FOXC2: variants seen among roughly 807,000 people sequenced by gnomAD.
FOXC2 encodes the protein forkhead box C2.
In FOXC2, 7 loss-of-function variants were observed where a neutral mutation model predicts 7.2. The observed-to-expected ratio is 0.97, with a 90% CI of 0.55 to 1.81. The LOEUF (loss-of-function observed/expected upper bound fraction) is 1.81. Among genes scored for constraint, FOXC2 ranks in the 40% most tolerant of loss-of-function variants. The pLI is 0.00. For synonymous variants in FOXC2, 436 were observed against 350.4 expected, an observed-to-expected ratio of 1.24 and a Z score of -2.73; for missense variants, 846 against 741.2, an observed-to-expected ratio of 1.14 and a Z score of -1.64.
Position 86,568,786 on chromosome 16 carries a change from C to T in FOXC2, c.1451C>T (p.Thr484Met), listed in dbSNP as rs1312452778. Residue 484 changes from threonine (T) to methionine (M), a missense_variant, in exon 1 of 1, where the codon ACG becomes ATG. Thr to Met is a moderately conservative substitution (Grantham distance 81). This residue lies in a region of FOXC2 where 640 missense variants were observed against 503.2 expected (regional missense o/e 1.27). Transcript: ENST00000649859. The surrounding 1 kb of genome is among the most constrained non-coding windows in gnomAD (Gnocchi z 5.2). ...AGCTGCCAGCTGCCCTACAGATCCA[C>T]GCCGCCTCTCTATCGCCACGCAGCC... ...NASCQLPYRS[T>M]PPLYRHAAPY... 6.2e-7 allele frequency: 1 copy of T among 1,613,040 alleles called. No homozygotes were observed. Among genetic ancestry groups the T allele is most frequent in the Non-Finnish European group, 8.5e-7 (1 of 1,180,012 alleles).
Position 86,568,992 on chromosome 16 carries a change from C to G in FOXC2, c.*151C>G. On this transcript the variant is annotated 3_prime_UTR_variant, in exon 1 of 1. Transcript: ENST00000649859. This position sits in a 1 kb window ranked among gnomAD's most constrained non-coding sequence, Gnocchi z 5.2. ...GACCCGGGAGCAGAGAGCGGGCACG[C>G]TAGCCCCCAGCCGTCTGTGAAGAGC... 2 of 1,039,834 alleles carry G rather than the reference C, an allele frequency of 1.9e-6. No homozygotes were observed. Among genetic ancestry groups the G allele is most frequent in the Non-Finnish European group, 2.9e-6 (2 of 694,332 alleles). The allele number at this position is 1,039,834 out of a possible 1,614,324, so 64.4% of individuals were successfully genotyped here.
chr16:86,567,251 C>G lies in FOXC2; in HGVS notation c.-85C>G. ...CCCTCCTCTCCCCCTCTGGCTCTCTCGCGCTCTCTCGCTCTCAGGGCCCCC... is the reference window on the plus strand; with the variant it reads ...CCCTCCTCTCCCCCTCTGGCTCTCTGGCGCTCTCTCGCTCTCAGGGCCCCC... On this transcript the variant is annotated 5_prime_UTR_variant, in exon 1 of 1. Coordinates refer to ENST00000649859, the MANE Select transcript of FOXC2 (RefSeq NM_005251.3). 4 of 1,507,818 alleles carry G rather than the reference C, an allele frequency of 2.7e-6. No homozygotes were observed. The highest frequency in any genetic ancestry group is 3.6e-6 in the Non-Finnish European group (4 of 1,101,400). The allele number at this position is 1,507,818 out of a possible 1,614,324, so 93.4% of individuals were successfully genotyped here.
Position 86,568,800 on chromosome 16 carries a change from C to T in FOXC2, c.1465C>T (p.Arg489Cys). The change falls in exon 1 of 1, where the codon CGC becomes TGC. Residue 489 changes from arginine to cysteine, a missense_variant. By Grantham distance (180) the Arg-to-Cys change is radical (BLOSUM62 -3). Transcript: ENST00000649859. The surrounding 1 kb of genome is among the most constrained non-coding windows in gnomAD (Gnocchi z 5.2). ...CTACAGATCCACGCCGCCTCTCTAT[C>T]GCCACGCAGCCCCCTACTCCTACGA... ...LPYRSTPPLY[R>C]HAAPYSYDCT... The T allele has an allele frequency of 1.2e-6, 2 of 1,612,954 alleles. No individual in the cohort carries two copies. The highest frequency in any genetic ancestry group is 1.7e-6 in the Non-Finnish European group (2 of 1,179,954).
Position 86,568,045 on chromosome 16 carries a change from T to C in FOXC2, c.710T>C (p.Leu237Pro). 1.4e-6 allele frequency: 2 copies of C among 1,468,486 alleles called. No homozygotes were observed. The highest frequency in any genetic ancestry group is 1.4e-5 in the South Asian group (1 of 73,554). The allele number at this position is 1,468,486 out of a possible 1,614,324, so 91.0% of individuals were successfully genotyped here. ...KVETLSPESA[L>P]QGSPRSAAST... ...GAGACGCTGAGCCCCGAGAGCGCGCTGCAGGGCAGCCCGCGCAGCGCGGCC... is the reference window on the plus strand; with the variant it reads ...GAGACGCTGAGCCCCGAGAGCGCGCCGCAGGGCAGCCCGCGCAGCGCGGCC... Residue 237 changes from leucine (L) to proline (P), a missense_variant, in exon 1 of 1, where the codon CTG becomes CCG. This residue lies in a region of FOXC2 where 640 missense variants were observed against 503.2 expected (regional missense o/e 1.27). Coordinates refer to ENST00000649859, the MANE Select transcript of FOXC2 (RefSeq NM_005251.3). The surrounding 1 kb of genome is among the most constrained non-coding windows in gnomAD (Gnocchi z 5.2).
Position 86,568,941 on chromosome 16 carries a change from A to C in FOXC2, c.*100A>C. 4.7e-6 allele frequency: 7 copies of C among 1,483,676 alleles called. No homozygotes were observed. The highest frequency in any genetic ancestry group is 6.5e-6 in the Non-Finnish European group (7 of 1,082,536). 91.9% of individuals were successfully genotyped at this position (1,483,676 alleles called of 1,614,324 possible). On this transcript the variant is annotated 3_prime_UTR_variant, in exon 1 of 1. Coordinates refer to ENST00000649859, the MANE Select transcript of FOXC2 (RefSeq NM_005251.3). This position sits in a 1 kb window ranked among gnomAD's most constrained non-coding sequence, Gnocchi z 5.2. ...GGCTGCAGAGACGCAAAAAAGAAACAAAACATGTCCACCAACCTTTTCTCA... is the reference window on the plus strand; with the variant it reads ...GGCTGCAGAGACGCAAAAAAGAAACCAAACATGTCCACCAACCTTTTCTCA...
Position 86,568,586 on chromosome 16 carries a change from C to A in FOXC2, c.1251C>A (p.Ala417=). The A allele has an allele frequency of 6.2e-7, 1 of 1,600,868 alleles. No individual in the cohort carries two copies. Among genetic ancestry groups the A allele is most frequent in the South Asian group, 1.1e-5 (1 of 90,182 alleles). ...AGCCGACGCCGCAGCCCGGGGCCGC[C>A]GCGGCGCAGGCGGCCTCCTGGTATC... ...QPQPTPQPGA[A]AAQAASWYLN... Residue 417 remains alanine (A), a synonymous_variant, in exon 1 of 1, where the codon GCC becomes GCA. Transcript: ENST00000649859. The surrounding 1 kb of genome is among the most constrained non-coding windows in gnomAD (Gnocchi z 5.2).
rs978505336 is a variant in FOXC2 at position 86,569,550 on chromosome 16, ATC to A, written c.*711_*712del. 69 of 166,406 alleles carry A rather than the reference ATC, an allele frequency of 4.1e-4. No individual in the cohort carries two copies. The highest frequency in any genetic ancestry group is 1.6e-3 in the African/African-American group (67 of 41,456). The allele number at this position is 166,406 out of a possible 1,614,324, so 10.3% of individuals were successfully genotyped here. The stretch of plus-strand genomic sequence containing the variant: ...TTGTTGGTGGATAAAGAAGTCAAGT[ATC>A]TGATACTTTTTATTTACAAAGTGTG... On this transcript the variant is annotated 3_prime_UTR_variant, in exon 1 of 1. Transcript: ENST00000649859.
In FOXC2 at chr16:86,567,970, T is replaced by A. The variant is rs1974222691; in HGVS notation, c.635T>A (p.Val212Glu). 1.3e-6 allele frequency: 2 copies of A among 1,534,662 alleles called. No homozygotes were observed. The highest frequency in any genetic ancestry group is 1.7e-6 in the Non-Finnish European group (2 of 1,155,214). Reference protein sequence around the residue: ...DAPKEAEKKVVIKSEAASPAL... With the variant: ...DAPKEAEKKVEIKSEAASPAL... ...CCCAAGGAGGCCGAGAAGAAGGTGG[T>A]GATCAAGAGCGAGGCGGCGTCCCCG... The change falls in exon 1 of 1, where the codon GTG becomes GAG. Residue 212 changes from valine to glutamate, a missense_variant. Transcript: ENST00000649859.
At position 86,569,438 on chromosome 16, in the gene FOXC2, T is replaced by C. The variant is rs1974252045; in HGVS notation, c.*597T>C. The C allele has an allele frequency of 6.0e-6, 1 of 167,804 alleles. No homozygotes were observed. The highest frequency in any genetic ancestry group is 1.5e-5 in the Non-Finnish European group (1 of 68,606). 10.4% of individuals were successfully genotyped at this position (167,804 alleles called of 1,614,324 possible). A position where few individuals can be genotyped will look rare whatever the true frequency, so the allele number is the denominator to read the frequency against. ...TGCCAAATTGAATTCAAGAAACCGA[T>C]GTGGGTTTTGTTTCCTGTACAATTA... On this transcript the variant is annotated 3_prime_UTR_variant, in exon 1 of 1. Coordinates refer to ENST00000649859, the MANE Select transcript of FOXC2 (RefSeq NM_005251.3).
At position 86,568,683 on chromosome 16, in the gene FOXC2, G is replaced by A. The variant is rs751964046; in HGVS notation, c.1348G>A (p.Val450Met). Residue 450 changes from valine (V) to methionine (M), a missense_variant, in exon 1 of 1, where the codon GTG becomes ATG. This residue lies in a region of FOXC2 where 640 missense variants were observed against 503.2 expected (regional missense o/e 1.27). Coordinates refer to ENST00000649859, the MANE Select transcript of FOXC2 (RefSeq NM_005251.3). This position sits in a 1 kb window ranked among gnomAD's most constrained non-coding sequence, Gnocchi z 5.2. ...FAAQQQTFPN[V>M]REMFNSHRLG... is the part of the protein sequence containing the mutation. ...GGCCCAGCAGCAAACTTTCCCCAAC[G>A]TGCGGGAGATGTTCAACTCCCACCG... 1 of 1,612,862 alleles carries A rather than the reference G, an allele frequency of 6.2e-7. No homozygotes were observed. Among genetic ancestry groups the A allele is most frequent in the Non-Finnish European group, 8.5e-7 (1 of 1,180,000 alleles).
chr16:86,569,047 C>A lies in FOXC2; in HGVS notation c.*206C>A. On this transcript the variant is annotated 3_prime_UTR_variant, in exon 1 of 1. Coordinates refer to ENST00000649859, the MANE Select transcript of FOXC2 (RefSeq NM_005251.3). ...GTAACTTTAATTCGCCGCCCCGTTT[C>A]TGGGATCCCAGGAAACCCCTCCAAA... 1.5e-6 allele frequency: 1 copy of A among 664,338 alleles called. No individual in the cohort carries two copies. The highest frequency in any genetic ancestry group is 2.6e-6 in the Non-Finnish European group (1 of 380,134). The allele number at this position is 664,338 out of a possible 1,614,324, so 41.2% of individuals were successfully genotyped here. A position where few individuals can be genotyped will look rare whatever the true frequency, so the allele number is the denominator to read the frequency against.
rs1043354227 is a variant in FOXC2 at position 86,567,457 on chromosome 16, A to C, written c.122A>C (p.Tyr41Ser). 2 of 1,613,286 alleles carry C rather than the reference A, an allele frequency of 1.2e-6. No homozygotes were observed. The highest frequency in any genetic ancestry group is 1.7e-6 in the Non-Finnish European group (2 of 1,179,954). ...YGGMASPMGV[Y>S]SGHPEQYSAG... Reference sequence around the variant, plus strand: ...GGCATGGCCAGCCCCATGGGCGTCTATTCCGGCCACCCGGAGCAGTACAGC... The same window carrying C: ...GGCATGGCCAGCCCCATGGGCGTCTCTTCCGGCCACCCGGAGCAGTACAGC... Residue 41 changes from tyrosine to serine, a missense_variant, in exon 1 of 1, where the codon TAT (tyrosine) becomes TCT (serine). Physicochemically the swap from Tyr to Ser is moderately radical, Grantham distance 144. This residue lies in a region of FOXC2 where 154 missense variants were observed against 134.2 expected (regional missense o/e 1.15). Coordinates refer to ENST00000649859, the MANE Select transcript of FOXC2 (RefSeq NM_005251.3).
rs538445419 is a variant in FOXC2 at position 86,569,323 on chromosome 16, G to A, written c.*482G>A. On this transcript the variant is annotated 3_prime_UTR_variant, in exon 1 of 1. Coordinates refer to ENST00000649859, the MANE Select transcript of FOXC2 (RefSeq NM_005251.3). ...TGTGGATTTGTAATCAGGCTATTTT[G>A]TTGTTGTTGTTGTTGTTCAGAGCCA... The A allele has an allele frequency of 4.2e-4, 74 of 174,216 alleles. 1 individual carries two copies. The highest frequency in any genetic ancestry group is 6.5e-3 in the Middle Eastern group (2 of 308). 10.8% of individuals were successfully genotyped at this position (174,216 alleles called of 1,614,324 possible). A position where few individuals can be genotyped will look rare whatever the true frequency, so the allele number is the denominator to read the frequency against.
Position 86,567,612 on chromosome 16 carries a change from A to T in FOXC2, c.277A>T (p.Ile93Phe), listed in dbSNP as rs1469969788. The change falls in exon 1 of 1, where the codon ATC (isoleucine) becomes TTC (phenylalanine). Residue 93 changes from isoleucine (I) to phenylalanine (F), a missense_variant. Physicochemically the swap from Ile to Phe is conservative, Grantham distance 21. Around this residue, in one of 3 missense-constraint regions of FOXC2, gnomAD observed 154 missense variants for 134.2 expected, o/e 1.15. Transcript: ENST00000649859. ...CATCCAGAACGCGCCCGAGAAGAAG[A>T]TCACCTTGAACGGCATCTACCAGTT... ...MAIQNAPEKK[I>F]TLNGIYQFIM... The T allele has an allele frequency of 6.2e-7, 1 of 1,613,994 alleles. No homozygotes were observed. The highest frequency in any genetic ancestry group is 8.5e-7 in the Non-Finnish European group (1 of 1,179,968).
In FOXC2 at chr16:86,568,160, C is replaced by G. The variant is rs1323021497; in HGVS notation, c.825C>G (p.Ile275Met). The G allele has an allele frequency of 1.7e-5, 22 of 1,311,398 alleles. No homozygotes were observed. Among genetic ancestry groups the G allele is most frequent in the Non-Finnish European group, 2.0e-5 (21 of 1,039,080 alleles). The allele number at this position is 1,311,398 out of a possible 1,614,324, so 81.2% of individuals were successfully genotyped here. The change falls in exon 1 of 1, where the codon ATC (isoleucine) becomes ATG (methionine). Residue 275 changes from isoleucine to methionine, a missense_variant. Around this residue, in one of 3 missense-constraint regions of FOXC2, gnomAD observed 640 missense variants for 503.2 expected, o/e 1.27. Transcript: ENST00000649859. The surrounding 1 kb of genome is among the most constrained non-coding windows in gnomAD (Gnocchi z 5.2). The part of the protein sequence containing the change: ...NGLPGFSVEN[I>M]MTLRTSPPGG... ...TGCCTGGCTTCAGCGTGGAGAACAT[C>G]ATGACCCTGCGAACGTCGCCGCCGG...
Position 86,568,775 on chromosome 16 carries a change from C to G in FOXC2, c.1440C>G (p.Pro480=), listed in dbSNP as rs764783770. 2 of 1,613,002 alleles carry G rather than the reference C, an allele frequency of 1.2e-6. No individual in the cohort carries two copies. Among genetic ancestry groups the G allele is most frequent in the Non-Finnish European group, 1.7e-6 (2 of 1,179,996 alleles). ...QVSGNASCQL[P]YRSTPPLYRH... The stretch of plus-strand genomic sequence containing the variant: ...GTGGCAATGCCAGCTGCCAGCTGCC[C>G]TACAGATCCACGCCGCCTCTCTATC... The change falls in exon 1 of 1, where the codon CCC becomes CCG. Residue 480 remains proline (P), a synonymous_variant. Coordinates refer to ENST00000649859, the MANE Select transcript of FOXC2 (RefSeq NM_005251.3). This position sits in a 1 kb window ranked among gnomAD's most constrained non-coding sequence, Gnocchi z 5.2.
In FOXC2 at chr16:86,568,823, C is replaced by G; in HGVS notation, c.1488C>G (p.Tyr496Ter). 1.9e-6 allele frequency: 3 copies of G among 1,612,970 alleles called. No individual in the cohort carries two copies. The highest frequency in any genetic ancestry group is 2.5e-6 in the Non-Finnish European group (3 of 1,179,970). ...PLYRHAAPYS[Y>*]DCTKY ...ATCGCCACGCAGCCCCCTACTCCTA[C>G]GACTGCACGAAATACTGACGTGTCC... Residue 496 changes from tyrosine (Y) to a stop codon, truncating the protein, a stop_gained, in exon 1 of 1, where the codon TAC (tyrosine) becomes TAG (stop). Transcript: ENST00000649859. LOFTEE classifies it high-confidence loss of function. The surrounding 1 kb of genome is among the most constrained non-coding windows in gnomAD (Gnocchi z 5.2).
rs1282626930 is a variant in FOXC2, at chr16:86,567,114, T to C, written c.-222T>C. The stretch of plus-strand genomic sequence containing the variant: ...CTTGCCCGGGGCGCGCCCTCCAGGA[T>C]GCCGATCCGCCCGGTCCGCTGAAAG... On this transcript the variant is annotated 5_prime_UTR_variant, in exon 1 of 1. The change abolishes an upstream ATG in the 5' untranslated region. Transcript: ENST00000649859. 6.3e-4 allele frequency: 206 copies of C among 328,504 alleles called. No individual in the cohort carries two copies. The highest frequency in any genetic ancestry group is 5.9e-5 in the Non-Finnish European group (11 of 185,106). 20.3% of individuals were successfully genotyped at this position (328,504 alleles called of 1,614,324 possible). A position where few individuals can be genotyped will look rare whatever the true frequency, so the allele number is the denominator to read the frequency against.
rs1416097444 is a variant in FOXC2 at position 86,568,543 on chromosome 16, C to T, written c.1208C>T (p.Pro403Leu). ...GHHHPQAPPP[P>L]PAPQPQPTPQ... ...CACCACCCGCAGGCGCCGCCGCCCC[C>T]GCCGGCTCCCCAGCCCCAGCCGACG... The change falls in exon 1 of 1, where the codon CCG becomes CTG. Residue 403 changes from proline to leucine, a missense_variant. Around this residue, in one of 3 missense-constraint regions of FOXC2, gnomAD observed 640 missense variants for 503.2 expected, o/e 1.27. Coordinates refer to ENST00000649859, the MANE Select transcript of FOXC2 (RefSeq NM_005251.3). The surrounding 1 kb of genome is among the most constrained non-coding windows in gnomAD (Gnocchi z 5.2). 4 of 1,309,576 alleles carry T rather than the reference C, an allele frequency of 3.1e-6. No individual in the cohort carries two copies. 81.1% of individuals were successfully genotyped at this position (1,309,576 alleles called of 1,614,324 possible).
Sources: gnomAD v4.1 joint callset for allele counts on GRCh38, gnomAD v4.1.1 for gene constraint, gnomAD v4.1.1 regional missense constraint, Gnocchi (gnomAD v3.1) non-coding constraint, MANE v1.5 for transcripts, NCBI Gene and HGNC (gene_info 2026-07-23, HGNC 2026-07-21) for gene names.